The following PPP2R3A variants were observed in gnomAD, a reference collection of about 807,000 sequenced individuals.
The protein encoded by PPP2R3A is serine/threonine-protein phosphatase 2A regulatory subunit B'' subunit alpha.
A neutral mutation model predicts 106.9 loss-of-function variants in PPP2R3A; 80 were observed. The ratio of observed to expected loss-of-function variants is 0.75; its 90% CI spans 0.62 to 0.90. The LOEUF is 0.90. Among genes scored for constraint, PPP2R3A ranks in the 40% least tolerant of loss-of-function variants. The pLI, the probability that PPP2R3A is intolerant of heterozygous loss-of-function variation, is 0.00. For synonymous variants in PPP2R3A, 483 were observed against 468.3 expected (o/e 1.03, Z -0.41); for missense variants, 1,386 against 1,350.4 (o/e 1.03, Z -0.41).
At position 136,002,686 on chromosome 3, in the gene PPP2R3A, G is replaced by A; in HGVS notation, c.1188G>A (p.Gln396=). ...TAAAAGCTGTCCAGGTCCAATCACA[G>A]TCATTAACCATGAATCCTTTAGAAA... is the stretch of plus-strand genomic sequence containing the variant. ...RTLKAVQVQS[Q]SLTMNPLENV... Residue 396 remains glutamine, a synonymous_variant, in exon 2 of 14, where the codon CAG becomes CAA. Transcript: ENST00000264977. The A allele has an allele frequency of 1.2e-6, 2 of 1,613,470 alleles. No individual in the cohort carries two copies. Among genetic ancestry groups the A allele is most frequent in the Non-Finnish European group, 8.5e-7 (1 of 1,179,506 alleles).
Position 136,067,798 on chromosome 3 carries a change from C to T in PPP2R3A, c.2470-2680C>T, listed in dbSNP as rs113978399. 8.5e-5 allele frequency among the ~76,000 whole-genome samples: 13 copies of T among 152,264 alleles called. 1 individual carries two copies. The highest frequency in any genetic ancestry group is 2.9e-4 in the African/African-American group (12 of 41,550). ...CACACCCAGATTTGGTTTCAAATACCATTTTCCAATGAAAGGAGCCAGGGC... is the reference window on the plus strand; with the variant it reads ...CACACCCAGATTTGGTTTCAAATACTATTTTCCAATGAAAGGAGCCAGGGC... On this transcript the variant is annotated intron_variant, in intron 5 of 13. Transcript: ENST00000264977.
chr3:136,041,051 T>G (rs555088047), intron 4 of PPP2R3A, 89 bp downstream of exon 4: 1 of 1,048,184 alleles, frequency 9.5e-7, no homozygotes, highest in African/African-American at 1.6e-5. Context: ...TTTTACTCAT[T>G]TATACATTTT....
At chr3:136,070,258 T>G (rs1936384135) in intron 5 of PPP2R3A, among the ~76,000 whole-genome samples, 1 of 152,190 alleles carries the variant, frequency 6.6e-6, no homozygotes, top group Non-Finnish European at 1.5e-5. Flanking sequence ...GTAGCTAAAA[T>G]CAAACTTCAA....
chr3:136,128,077 C>T (rs1310565484), intron 13 of PPP2R3A, among the ~76,000 whole-genome samples: 2 of 152,120 alleles, frequency 1.3e-5, no homozygotes, highest in Admixed American at 6.6e-5. Flanking sequence ...TTTTAAAGAC[C>T]ATCGATGCTA....
At position 136,101,402 on chromosome 3, in the gene PPP2R3A, TTTTG is replaced by T. The variant is rs1381388758; in HGVS notation, c.2928-600_2928-597del. Reference sequence around the variant, plus strand: ...CAACTTTCATAATGTGAAATCTACTTTTTGTTTGGTTGGTTGGTTGTTTAGTTGG... The same window carrying T: ...CAACTTTCATAATGTGAAATCTACTTTTTGGTTGGTTGGTTGTTTAGTTGG... On this transcript the variant is annotated intron_variant, in intron 10 of 13. Transcript: ENST00000264977. 2.0e-5 allele frequency among the ~76,000 whole-genome samples: 3 copies of T among 152,062 alleles called. No individual in the cohort carries two copies. In the East Asian group the frequency reaches 5.8e-4, roughly 29 times the overall value.
Position 136,145,029 on chromosome 3 carries a change from C to T in PPP2R3A, c.3330-14C>T. 6.2e-7 allele frequency: 1 copy of T among 1,603,032 alleles called. No homozygotes were observed. Among genetic ancestry groups the T allele is most frequent in the Non-Finnish European group, 8.5e-7 (1 of 1,175,762 alleles). On this transcript the variant is annotated splice_polypyrimidine_tract_variant and intron_variant, in intron 13 of 13. Coordinates refer to ENST00000264977, the MANE Select transcript of PPP2R3A (RefSeq NM_002718.5). ...CAATCAATCAGTTAATTCACTTTTG[C>T]TTTGTTATTTCAGCTTTGAAGATTA...
chr3:135,983,206 T>C (rs1249373629), intron 1 of PPP2R3A, among the ~76,000 whole-genome samples: 1 of 152,204 alleles, frequency 6.6e-6, no homozygotes, highest in Admixed American at 6.5e-5. Flanking sequence ...ATATTTCCAC[T>C]GGGCTTTTGC....
At chr3:136,014,480 G>A (rs972751660) in intron 2 of PPP2R3A, among the ~76,000 whole-genome samples, 1 of 152,080 alleles carries the variant, frequency 6.6e-6, no homozygotes, top group Non-Finnish European at 1.5e-5. Context: ...ATTTGTTTAT[G>A]TCATCTATGA....
At chr3:136,141,586 T>C (rs975185532) in intron 13 of PPP2R3A, among the ~76,000 whole-genome samples, 1 of 152,206 alleles carries the variant, frequency 6.6e-6, no homozygotes, top group Non-Finnish European at 1.5e-5. Context: ...AGAGATGTGG[T>C]TAATTAATTC....
chr3:136,047,777 T>C (rs540853236), intron 4 of PPP2R3A, among the ~76,000 whole-genome samples: 1 of 151,874 alleles, frequency 6.6e-6, no homozygotes, highest in Non-Finnish European at 1.5e-5. Context: ...TGGTGGCGGG[T>C]GCCTGTAGTC....
intron 13 of PPP2R3A, among the ~76,000 whole-genome samples, chr3:136,110,944 A>G (rs1937582656): frequency 6.6e-6 from 1 of 152,202 alleles, no homozygotes; most frequent in Non-Finnish European, 1.5e-5. Flanking sequence ...AAAGAAATGG[A>G]ACAAAATTAT....
At chr3:136,118,370 T>C (rs1398840031) in intron 13 of PPP2R3A, among the ~76,000 whole-genome samples, 1 of 152,246 alleles carries the variant, frequency 6.6e-6, no homozygotes, top group East Asian at 1.9e-4. Flanking sequence ...TTTGAAGTTC[T>C]GCCCAGGGCA....
intron 13 of PPP2R3A, among the ~76,000 whole-genome samples, chr3:136,134,598 A>G (rs183665830): frequency 2.2e-4 from 34 of 152,334 alleles, no homozygotes; most frequent in Admixed American, 2.0e-3. Flanking sequence ...GTGTATGTAT[A>G]TACACAAGCT....
intron 1 of PPP2R3A, among the ~76,000 whole-genome samples, chr3:135,991,849 T>G (rs545309188): frequency 6.6e-6 from 1 of 152,268 alleles, no homozygotes; most frequent in Non-Finnish European, 1.5e-5. Context: ...AAATAAAAGT[T>G]AGTTTTTAAG....
chr3:136,008,378 G>A (rs993565973), intron 2 of PPP2R3A, among the ~76,000 whole-genome samples: 1 of 152,138 alleles, frequency 6.6e-6, no homozygotes, highest in Admixed American at 6.5e-5. Flanking sequence ...TTGCCACCAA[G>A]CAGATTAATA....
At chr3:136,024,822 G>A (rs1010135119) in intron 2 of PPP2R3A, among the ~76,000 whole-genome samples, 1 of 152,112 alleles carries the variant, frequency 6.6e-6, no homozygotes, top group African/African-American at 2.4e-5. Context: ...AATGGTCTAG[G>A]TAAAGCCCCT....
At chr3:136,094,433 G>A (rs1400621359) in intron 10 of PPP2R3A, among the ~76,000 whole-genome samples, 2 of 152,156 alleles carry the variant, frequency 1.3e-5, no homozygotes, top group African/African-American at 4.8e-5. Context: ...AGTATGTTCT[G>A]TAAACAAAAT....
At chr3:135,998,876 A>G (rs913794764) in intron 1 of PPP2R3A, among the ~76,000 whole-genome samples, 16 of 152,262 alleles carry the variant, frequency 1.1e-4, no homozygotes, top group African/African-American at 3.9e-4. Flanking sequence ...AAATACATAC[A>G]TTTATAAATT....
At chr3:136,058,388 C>A (rs1184403263) in intron 5 of PPP2R3A, among the ~76,000 whole-genome samples, 1 of 152,036 alleles carries the variant, frequency 6.6e-6, no homozygotes, top group African/African-American at 2.4e-5. Flanking sequence ...AGCCGAGAGC[C>A]AAATCAGGAA....
Sources: gnomAD v4.1 joint callset for allele counts (sites outside exome capture counted in the v4.1 genomes callset) on GRCh38, gnomAD v4.1.1 for gene constraint, MANE v1.5 for transcripts, NCBI Gene and HGNC (gene_info 2026-07-23, HGNC 2026-07-21) for gene names.